TRPC6: variants seen among roughly 807,000 people sequenced by gnomAD.
TRPC6 encodes the protein transient receptor potential cation channel subfamily C member 6, also known as short transient receptor potential channel 6.
TRPC6 carries 55 observed loss-of-function variants against 90.7 expected under a neutral mutation model. The observed-to-expected ratio is 0.61, with a 90% CI of 0.49 to 0.76. The LOEUF is 0.76. Among genes scored for constraint, TRPC6 ranks in the 30% least tolerant of loss-of-function variants. The pLI is 0.00. For missense variants in TRPC6, 989 were observed against 1,122.7 expected, an observed-to-expected ratio of 0.88 and a Z score of 1.70; for synonymous variants, 393 against 393.0, an observed-to-expected ratio of 1.00 and a Z score of 0.00.
At chr11:101,553,436 A>G (rs1347514604) in intron 1 of TRPC6, among the ~76,000 whole-genome samples, 1 of 152,120 alleles carries the variant, frequency 6.6e-6, no homozygotes, top group Non-Finnish European at 1.5e-5. Flanking sequence ...AATTGAGATG[A>G]AACCATAGGC....
rs182454066 is a variant in TRPC6, at chr11:101,558,007, T to A, written c.170+25327A>T. Among the ~76,000 whole-genome samples the A allele has an allele frequency of 7.2e-5, 11 of 152,120 alleles. 1 individual carries two copies. The highest frequency in any genetic ancestry group is 4.6e-4 in the Admixed American group (7 of 15,260). On this transcript the variant is annotated intron_variant, in intron 1 of 12. Transcript: ENST00000344327. ...ATCCTTTTCAAAATTCCAATGTCAT[T>A]TTTCATAAAAAGAGAAAAACAGTCC...
At chr11:101,464,254 A>G (rs1397022376) in intron 10 of TRPC6, among the ~76,000 whole-genome samples, 1 of 152,208 alleles carries the variant, frequency 6.6e-6, no homozygotes, top group Non-Finnish European at 1.5e-5. Flanking sequence ...TGGTGCTGAG[A>G]AGAATGTATA....
chr11:101,510,032 C>T (rs1316564465), intron 1 of TRPC6, among the ~76,000 whole-genome samples: 1 of 152,122 alleles, frequency 6.6e-6, no homozygotes, highest in Non-Finnish European at 1.5e-5. Flanking sequence ...TTCAGCACCC[C>T]TTGCATGAGT....
At chr11:101,527,998 G>A (rs1021308947) in intron 1 of TRPC6, among the ~76,000 whole-genome samples, 10 of 152,118 alleles carry the variant, frequency 6.6e-5, no homozygotes, top group South Asian at 2.1e-4. Flanking sequence ...GCTTGAACCC[G>A]GGAGGCAGAG....
chr11:101,524,949 G>A (rs1169653357), intron 1 of TRPC6, among the ~76,000 whole-genome samples: 1 of 152,064 alleles, frequency 6.6e-6, no homozygotes, highest in Non-Finnish European at 1.5e-5. Context: ...CCATTTCTAT[G>A]CCTTAGAAAT....
At chr11:101,559,160 A>C (rs536106677) in intron 1 of TRPC6, among the ~76,000 whole-genome samples, 1 of 152,298 alleles carries the variant, frequency 6.6e-6, no homozygotes, top group African/African-American at 2.4e-5. Context: ...CAGGCAATTC[A>C]AAACAAAACA....
At chr11:101,529,280 G>A (rs1387082837) in intron 1 of TRPC6, among the ~76,000 whole-genome samples, 2 of 152,314 alleles carry the variant, frequency 1.3e-5, no homozygotes, top group South Asian at 2.1e-4. Context: ...TTAACTAGGA[G>A]GGATGGTGAG....
At chr11:101,579,284 A>AT (rs1181035572) in intron 1 of TRPC6, among the ~76,000 whole-genome samples, 3 of 151,422 alleles carry the variant, frequency 2.0e-5, no homozygotes, top group South Asian at 2.1e-4. Flanking sequence ...TAAAAATGTC[A>AT]TTTTTTTCTT....
chr11:101,527,945 C>T (rs762040739), intron 1 of TRPC6, among the ~76,000 whole-genome samples: 119 of 152,074 alleles, frequency 7.8e-4, no homozygotes, highest in African/African-American at 1.2e-3. Context: ...TAGTGACGGG[C>T]ACCTGTAATC....
intron 1 of TRPC6, among the ~76,000 whole-genome samples, chr11:101,536,120 C>A (rs1222469873): frequency 6.6e-6 from 1 of 152,232 alleles, no homozygotes; most frequent in Non-Finnish European, 1.5e-5. Flanking sequence ...AGCTCAGTGC[C>A]TCACGCCTGT....
At chr11:101,454,745 G>A (rs549313169) in intron 11 of TRPC6, among the ~76,000 whole-genome samples, 16 of 151,992 alleles carry the variant, frequency 1.1e-4, no homozygotes, top group African/African-American at 2.4e-4. Flanking sequence ...TTTTACTGTC[G>A]TCTTTATGTT....
rs1298174407 is a variant in TRPC6 at position 101,472,387 on chromosome 11, A to G, written c.2010-55T>C. On this transcript the variant is annotated intron_variant, in intron 7 of 12. Transcript: ENST00000344327. ...TAAGAAAGTGTATAAATAAATAACA[A>G]TATTACCATAATAAAAGTGAGTTTG... 18 of 1,508,252 alleles carry G rather than the reference A, an allele frequency of 1.2e-5. 1 individual carries two copies. The highest frequency in any genetic ancestry group is 2.4e-5 in the South Asian group (2 of 82,354). The allele number at this position is 1,508,252 out of a possible 1,614,324, so 93.4% of individuals were successfully genotyped here.
intron 1 of TRPC6, among the ~76,000 whole-genome samples, chr11:101,544,223 G>C (rs1254583458): frequency 6.6e-6 from 1 of 152,140 alleles, no homozygotes; most frequent in Non-Finnish European, 1.5e-5. Flanking sequence ...GAAAAAGTCA[G>C]GAAACAACAG....
intron 7 of TRPC6, 32 bp downstream of exon 7, chr11:101,473,477 T>C: frequency 6.2e-7 from 1 of 1,610,400 alleles, no homozygotes; most frequent in Non-Finnish European, 8.5e-7. Flanking sequence ...TAATTTGCAA[T>C]AACTATCATC....
At position 101,485,059 on chromosome 11, in the gene TRPC6, A is replaced by G. The variant is rs141803997; in HGVS notation, c.1294-1894T>C. On this transcript the variant is annotated intron_variant, in intron 4 of 12. Transcript: ENST00000344327. ...TTCAACACAGACACAATTTTTTTCA[A>G]ATGTTTTCAATCTGCGGTTTGTTAA... is the stretch of plus-strand genomic sequence containing the variant. Among the ~76,000 whole-genome samples, 810 of 151,548 alleles carry G rather than the reference A, an allele frequency of 5.3e-3. 3 individuals are homozygous for G. The highest frequency in any genetic ancestry group is 0.019 in the African/African-American group (770 of 41,310).
At chr11:101,463,065 A>G (rs1859045354) in intron 10 of TRPC6, among the ~76,000 whole-genome samples, 1 of 152,150 alleles carries the variant, frequency 6.6e-6, no homozygotes, top group African/African-American at 2.4e-5. Context: ...TATTGAGATA[A>G]TCATGTGGTT....
Position 101,583,532 on chromosome 11 carries a change from C to A in TRPC6, c.-29G>T, listed in dbSNP as rs533374440. On this transcript the variant is annotated 5_prime_UTR_variant, in exon 1 of 13. Coordinates refer to ENST00000344327, the MANE Select transcript of TRPC6 (RefSeq NM_004621.6). ...GGGAACGCCCGACTGGCCTGGGCCCCGCTCCCGGGGGAGCCGAGTGGGCAG... is the reference window on the plus strand; with the variant it reads ...GGGAACGCCCGACTGGCCTGGGCCCAGCTCCCGGGGGAGCCGAGTGGGCAG... The A allele has an allele frequency of 1.3e-5, 19 of 1,425,008 alleles. No individual in the cohort carries two copies. In the East Asian group the frequency reaches 4.1e-4, roughly 31 times the overall value. 88.3% of individuals were successfully genotyped at this position (1,425,008 alleles called of 1,614,324 possible). A position where few individuals can be genotyped will look rare whatever the true frequency, so the allele number is the denominator to read the frequency against.
chr11:101,457,614 G>A (rs1186436172), intron 10 of TRPC6, among the ~76,000 whole-genome samples: 1 of 152,158 alleles, frequency 6.6e-6, no homozygotes, highest in Non-Finnish European at 1.5e-5. Flanking sequence ...AAATGAAGCT[G>A]TGTTATACAG....
chr11:101,562,575 C>A (rs908439015), intron 1 of TRPC6, among the ~76,000 whole-genome samples: 1 of 152,044 alleles, frequency 6.6e-6, no homozygotes, highest in African/African-American at 2.4e-5. Flanking sequence ...GACCTCATAC[C>A]AAAAATCCTA....
Sources: allele counts gnomAD v4.1 joint callset (sites outside exome capture counted in the v4.1 genomes callset), GRCh38; gene constraint gnomAD v4.1.1; transcripts MANE v1.5; gene names NCBI Gene and HGNC (gene_info 2026-07-23, HGNC 2026-07-21).